NSUN2: variants seen among roughly 807,000 people sequenced by gnomAD.
The protein encoded by NSUN2 is NOP2/Sun RNA methyltransferase 2, also known as RNA cytosine C(5)-methyltransferase NSUN2.
NSUN2 carries 63 observed loss-of-function variants against 92.7 expected under a neutral mutation model. That is an observed-to-expected ratio of 0.68 (90% CI 0.56 to 0.84). The LOEUF (loss-of-function observed/expected upper bound fraction) is 0.84. NSUN2 is among the 40% of genes least tolerant of loss of function. NSUN2 has a pLI of 0.00. For missense variants in NSUN2, 989 were observed against 964.9 expected, an observed-to-expected ratio of 1.02 and a Z score of -0.33; for synonymous variants, 356 against 348.3, an observed-to-expected ratio of 1.02 and a Z score of -0.25.
chr5:6,603,838 C>T, intron 17 of NSUN2: 1 of 287,146 alleles, frequency 3.5e-6, no homozygotes, highest in Non-Finnish European at 6.4e-6. Flanking sequence ...TCCCCGGACT[C>T]TCTGGCCCAG....
intron 12 of NSUN2, among the ~76,000 whole-genome samples, chr5:6,609,386 G>A (rs1480933769): frequency 2.0e-5 from 3 of 152,176 alleles, no homozygotes; most frequent in Admixed American, 2.0e-4. Flanking sequence ...TTTCTAGCCA[G>A]GTCTGGACAA....
chr5:6,611,625 AT>A (rs1736995796), intron 10 of NSUN2, 99 bp downstream of exon 10: 1 of 875,226 alleles, frequency 1.1e-6, no homozygotes, highest in Non-Finnish European at 1.9e-6. Flanking sequence ...CAGATGTAGT[AT>A]TTATTCAAGT....
chr5:6,607,860 G>T (rs1736841744), intron 12 of NSUN2, among the ~76,000 whole-genome samples: 1 of 152,226 alleles, frequency 6.6e-6, no homozygotes, highest in African/African-American at 2.4e-5. Context: ...AAGAGAGAGT[G>T]CCCCAGGCAC....
rs1209073421 is a variant in NSUN2 at position 6,625,576 on chromosome 5, A to G, written c.453T>C (p.Ser151=). The G allele has an allele frequency of 6.2e-7, 1 of 1,612,334 alleles. No individual in the cohort carries two copies. The change falls in exon 4 of 19, where the codon AGT becomes AGC. Residue 151 remains serine, a synonymous_variant. Transcript: ENST00000264670. ...GAAATCAACTTACAGATTCTGTTTC[A>G]CTAACTAGAAACTGATGAAACTTTT... ...HLEKFHQFLV[S]ETESGNISRQ...
intron 14 of NSUN2, 21 bp downstream of exon 14, chr5:6,606,795 ATAAT>A: frequency 1.5e-6 from 2 of 1,310,174 alleles, no homozygotes; most frequent in South Asian, 2.5e-5. Flanking sequence ...CTTTAAATGA[ATAAT>A]TAAAAAGGCT....
At chr5:6,604,423 C>A (rs910839931) in intron 16 of NSUN2, 147 bp from the exon 17 acceptor site, 10 of 919,604 alleles carry the variant, frequency 1.1e-5, no homozygotes, top group Non-Finnish European at 1.6e-5. Flanking sequence ...GGAACCCACC[C>A]CCCCCTAGGA....
chr5:6,615,244 T>C (rs956777481), intron 9 of NSUN2, among the ~76,000 whole-genome samples: 1 of 152,138 alleles, frequency 6.6e-6, no homozygotes, highest in African/African-American at 2.4e-5. Flanking sequence ...AATTAATAAA[T>C]GCAGTCCATT....
intron 18 of NSUN2, 59 bp downstream of exon 18, chr5:6,602,402 G>A: frequency 6.5e-7 from 1 of 1,531,766 alleles, no homozygotes; most frequent in Non-Finnish European, 9.0e-7. Context: ...TCACCAACGA[G>A]AACACTGTAG....
intron 15 of NSUN2, 45 bp from the exon 16 acceptor site, chr5:6,604,730 G>C (rs1481698229): frequency 6.7e-7 from 1 of 1,496,054 alleles, no homozygotes. Flanking sequence ...ATGAAGACAG[G>C]ACCATCTCCT....
rs193150189 is a variant in NSUN2, at chr5:6,611,972, T to A, written c.1022-174A>T. ...ATGAGTGGCCGACGGGGTGGATGAGTGGCCGATGGGGCTCAGCTGGAATGG... is the reference window on the plus strand; with the variant it reads ...ATGAGTGGCCGACGGGGTGGATGAGAGGCCGATGGGGCTCAGCTGGAATGG... On this transcript the variant is annotated intron_variant, in intron 9 of 18. Coordinates refer to ENST00000264670, the MANE Select transcript of NSUN2 (RefSeq NM_017755.6). Among the ~76,000 whole-genome samples, 10 of 151,896 alleles carry A rather than the reference T, an allele frequency of 6.6e-5. No individual in the cohort carries two copies. In the East Asian group the frequency reaches 1.5e-3, roughly 24 times the overall value.
chr5:6,616,828 G>T lies in NSUN2; in HGVS notation c.920C>A (p.Ala307Asp), dbSNP rs1312917047. 1 of 1,613,842 alleles carries T rather than the reference G, an allele frequency of 6.2e-7. No individual in the cohort carries two copies. The highest frequency in any genetic ancestry group is 8.5e-7 in the Non-Finnish European group (1 of 1,179,836). The change falls in exon 9 of 19, where the codon GCT becomes GAT. Residue 307 changes from alanine to aspartate, a missense_variant. By Grantham distance (126) the Ala-to-Asp change is moderately radical (BLOSUM62 -2). Around this residue, in one of 3 missense-constraint regions of NSUN2, gnomAD observed 626 missense variants for 602.3 expected, o/e 1.04. Coordinates refer to ENST00000264670, the MANE Select transcript of NSUN2 (RefSeq NM_017755.6). Reference protein sequence around the residue: ...GLQLRIATRGAEQLAEGGRMV... With the variant: ...GLQLRIATRGDEQLAEGGRMV... ...CCTTCCACCTTCAGCCAGCTGTTCA[G>T]CCCCGCGTGTTGCAATCCGCAGCTG...
Position 6,633,028 on chromosome 5 carries a change from C to CAGA in NSUN2, c.-52_-50dup. 7.1e-7 allele frequency: 1 copy of CAGA among 1,405,582 alleles called. No individual in the cohort carries two copies. The highest frequency in any genetic ancestry group is 9.2e-7 in the Non-Finnish European group (1 of 1,088,644). 87.1% of individuals were successfully genotyped at this position (1,405,582 alleles called of 1,614,324 possible). On this transcript the variant is annotated 5_prime_UTR_variant, in exon 1 of 19. Coordinates refer to ENST00000264670, the MANE Select transcript of NSUN2 (RefSeq NM_017755.6). ...CACGCAGAAACCGGCCCGCCACGGC[C>CAGA]AGAACTCTAGCCCTACACCTCCCGG...
At position 6,604,651 on chromosome 5, in the gene NSUN2, T is replaced by C. The variant is rs374373224; in HGVS notation, c.1772A>G (p.Asn591Ser). The change falls in exon 16 of 19, where the codon AAT becomes AGT. Residue 591 changes from asparagine to serine, a missense_variant. Asn to Ser is a conservative substitution (Grantham distance 46). Transcript: ENST00000264670. ...INTGIKVWCR[N>S]NSGEEFDCAF... ...ACAGTCAAACTCTTCACCGCTGTTATTTCTACACCAGACTTTGATCCCCGT... is the reference window on the plus strand; with the variant it reads ...ACAGTCAAACTCTTCACCGCTGTTACTTCTACACCAGACTTTGATCCCCGT... 9 of 1,614,008 alleles carry C rather than the reference T, an allele frequency of 5.6e-6. No individual in the cohort carries two copies. The highest frequency in any genetic ancestry group is 2.2e-5 in the East Asian group (1 of 44,884).
At chr5:6,619,068 A>G (rs1357656000) in intron 7 of NSUN2, among the ~76,000 whole-genome samples, 1 of 152,196 alleles carries the variant, frequency 6.6e-6, no homozygotes, top group African/African-American at 2.4e-5. Flanking sequence ...GCGTTCTCAG[A>G]TCTCAGAATA....
intron 10 of NSUN2, 98 bp from the exon 11 acceptor site, chr5:6,611,183 G>C (rs1736974790): frequency 1.5e-6 from 2 of 1,356,028 alleles, no homozygotes; most frequent in East Asian, 4.7e-5. Flanking sequence ...GTGACAAATG[G>C]TGATTCTCAT....
In NSUN2 at chr5:6,602,453, T is replaced by C. The variant is rs757130223; in HGVS notation, c.1997+8A>G. ...GTGTGTCTAAGGGCAGGGCGTGTACTGACTTACGCAGAATCTGGTTCATAC... is the reference window on the plus strand; with the variant it reads ...GTGTGTCTAAGGGCAGGGCGTGTACCGACTTACGCAGAATCTGGTTCATAC... On this transcript the variant is annotated splice_region_variant and intron_variant, in intron 18 of 18. Transcript: ENST00000264670. 2 of 1,613,676 alleles carry C rather than the reference T, an allele frequency of 1.2e-6. No individual in the cohort carries two copies. The highest frequency in any genetic ancestry group is 4.5e-5 in the East Asian group (2 of 44,876).
chr5:6,617,920 C>T (rs766483151), intron 8 of NSUN2, 30 bp downstream of exon 8: 7 of 1,522,168 alleles, frequency 4.6e-6, no homozygotes, highest in South Asian at 4.6e-5. Context: ...ACTTGTCACA[C>T]AGTGTTAGCA....
chr5:6,620,310 G>C lies in NSUN2; in HGVS notation c.623-12C>G, dbSNP rs1034728564. On this transcript the variant is annotated splice_polypyrimidine_tract_variant and intron_variant, in intron 6 of 18. Transcript: ENST00000264670. Reference sequence around the variant, plus strand: ...AATAACAAATCCCTCTGAAGGCACAGAATTGCAGTGTCAGGTGAAATGGAG... The same window carrying C: ...AATAACAAATCCCTCTGAAGGCACACAATTGCAGTGTCAGGTGAAATGGAG... 6.5e-7 allele frequency: 1 copy of C among 1,540,392 alleles called. No homozygotes were observed. Among genetic ancestry groups the C allele is most frequent in the East Asian group, 2.4e-5 (1 of 41,560 alleles).
chr5:6,632,788 C>A (rs202139836), intron 1 of NSUN2, 32 bp from the exon 2 acceptor site: 36 of 1,602,980 alleles, frequency 2.2e-5, no homozygotes, highest in Admixed American at 1.2e-4. Context: ...TACCCCGAGG[C>A]CCAAGGAGCC....
Sources: gnomAD v4.1 joint callset for allele counts (sites outside exome capture counted in the v4.1 genomes callset) on GRCh38, gnomAD v4.1.1 for gene constraint, gnomAD v4.1.1 regional missense constraint, MANE v1.5 for transcripts, NCBI Gene and HGNC (gene_info 2026-07-23, HGNC 2026-07-21) for gene names.